RPLP0: variants seen among roughly 807,000 people sequenced by gnomAD.
RPLP0 encodes the protein ribosomal protein lateral stalk subunit P0, also known as large ribosomal subunit protein uL10.
For synonymous variants in RPLP0, 137 were observed against 153.4 expected (o/e 0.89, Z 0.79); for missense variants, 276 against 402.9 (o/e 0.69, Z 2.70).
rs569335932 is a variant in RPLP0 at position 120,200,204 on chromosome 12, C to T, written c.54+526G>A. 6.9e-6 allele frequency: 3 copies of T among 433,230 alleles called. No homozygotes were observed. The East Asian group carries it at 2.1e-4, about 31-fold the overall frequency. The allele number at this position is 433,230 out of a possible 1,614,324, so 26.8% of individuals were successfully genotyped here. On this transcript the variant is annotated intron_variant, in intron 2 of 7. Transcript: ENST00000392514. ...GTGCGGCCGGGCGCGGTGGCTCACA[C>T]CTGTAATCCTAGCACTTAGGGAGGC...
chr12:120,199,731 A>G (rs61945825), intron 2 of RPLP0: 4,689 of 462,926 alleles, frequency 0.01, 43 homozygotes, highest in Admixed American at 0.02. Flanking sequence ...CTTAGTTTTT[A>G]ATTTTTCCCA....
Position 120,198,864 on chromosome 12 carries a change from A to G in RPLP0, c.455T>C (p.Ile152Thr). The change falls in exon 5 of 8, where the codon ATT becomes ACT. Residue 152 changes from isoleucine (I) to threonine (T), a missense_variant. Ile to Thr is a moderately conservative substitution (Grantham distance 89, BLOSUM62 -1). Transcript: ENST00000392514. The surrounding 1 kb of genome is among the most constrained non-coding windows in gnomAD (Gnocchi z 4.1). ...ACCAGGTCCACTCACCAGGATTTCA[A>G]TGGTGCCCCTGGAGATTTTAGTGGT... ...GITTKISRGT[I>T]EILSDVQLIK... 6.2e-7 allele frequency: 1 copy of G among 1,614,122 alleles called. No homozygotes were observed. The highest frequency in any genetic ancestry group is 8.5e-7 in the Non-Finnish European group (1 of 1,179,976).
At chr12:120,199,601 G>C (rs936456742) in intron 2 of RPLP0, 116 bp from the exon 3 acceptor site, 1 of 1,087,264 alleles carries the variant, frequency 9.2e-7, no homozygotes, top group South Asian at 1.6e-5. Context: ...CTAAGCTTTT[G>C]AAGTCAGAGG....
rs547167712 is a variant in RPLP0, at chr12:120,201,086, C to T, written c.-52G>A. 1.9e-5 allele frequency: 7 copies of T among 369,194 alleles called. No homozygotes were observed. The highest frequency in any genetic ancestry group is 1.8e-4 in the Admixed American group (4 of 21,730). 22.9% of individuals were successfully genotyped at this position (369,194 alleles called of 1,614,324 possible). ...CCCATCTAACTAGCACACGAACCTT[C>T]CACGAGGACGCCTGGCGAGAGAAGG... On this transcript the variant is annotated 5_prime_UTR_variant, in exon 1 of 8. Coordinates refer to ENST00000392514, the MANE Select transcript of RPLP0 (RefSeq NM_001002.4).
At position 120,200,736 on chromosome 12, in the gene RPLP0, C is replaced by G. The variant is rs1344287825; in HGVS notation, c.48G>C (p.Lys16Asn). 1 of 1,611,390 alleles carries G rather than the reference C, an allele frequency of 6.2e-7. No individual in the cohort carries two copies. Among genetic ancestry groups the G allele is most frequent in the South Asian group, 1.1e-5 (1 of 90,462 alleles). The change falls in exon 2 of 8, where the codon AAG becomes AAC. Residue 16 changes from lysine (K) to asparagine (N), a missense_variant. By Grantham distance (94) the Lys-to-Asn change is moderately conservative. Transcript: ENST00000392514. ...CGACCCACCCTGCACTTACGATGATCTTAAGGAAGTAGTTGGACTTCCAGG... is the reference window on the plus strand; with the variant it reads ...CGACCCACCCTGCACTTACGATGATGTTAAGGAAGTAGTTGGACTTCCAGG... Reference protein sequence around the residue: ...RATWKSNYFLKIIQLLDDYPK... With the variant: ...RATWKSNYFLNIIQLLDDYPK...
rs138109550 is a variant in RPLP0 at position 120,200,444 on chromosome 12, C to T, written c.54+286G>A. On this transcript the variant is annotated intron_variant, in intron 2 of 7. Transcript: ENST00000392514. ...AGCCACTGCACTCCAGCCTGGACAA[C>T]AGAGCGAGACTCCGTTTAAAAAAAA... The T allele has an allele frequency of 2.5e-3, 927 of 375,380 alleles. 9 individuals carry two copies. Among genetic ancestry groups the T allele is most frequent in the African/African-American group, 0.019 (884 of 47,464 alleles). The allele number at this position is 375,380 out of a possible 1,614,324, so 23.3% of individuals were successfully genotyped here.
At chr12:120,197,023 C>T (rs1196355815) in intron 7 of RPLP0, 89 bp from the exon 8 acceptor site, 11 of 1,583,620 alleles carry the variant, frequency 6.9e-6, no homozygotes, top group Non-Finnish European at 8.6e-6. Context: ...TAAGGACCAA[C>T]AATATCAAAG....
At chr12:120,200,864 C>T in intron 1 of RPLP0, 33 bp from the exon 2 acceptor site, 1 of 1,547,670 alleles carries the variant, frequency 6.5e-7, no homozygotes, top group Non-Finnish European at 8.7e-7. Context: ...GGCCTGGTCA[C>T]GCCGACACCC....
At position 120,198,887 on chromosome 12, in the gene RPLP0, G is replaced by A. The variant is rs1879289950; in HGVS notation, c.432C>T (p.Thr144=). The change falls in exon 5 of 8, where the codon ACC becomes ACT. Residue 144 remains threonine, a synonymous_variant. Transcript: ENST00000392514. This position sits in a 1 kb window ranked among gnomAD's most constrained non-coding sequence, Gnocchi z 4.1. The part of the protein sequence containing the change: ...KTSFFQALGI[T]TKISRGTIEI... ...CAATGGTGCCCCTGGAGATTTTAGT[G>A]GTGATACCTAAAGCCTGGAAAAAGG... is the stretch of plus-strand genomic sequence containing the variant. 5 of 1,613,960 alleles carry A rather than the reference G, an allele frequency of 3.1e-6. No homozygotes were observed. The highest frequency in any genetic ancestry group is 3.4e-6 in the Non-Finnish European group (4 of 1,179,956).
intron 7 of RPLP0, 173 bp from the exon 8 acceptor site, chr12:120,197,107 C>G: frequency 8.4e-7 from 1 of 1,189,098 alleles, no homozygotes; most frequent in South Asian, 1.5e-5. Context: ...GGCAGGGTTC[C>G]TAAGGCCCAG....
At position 120,198,386 on chromosome 12, in the gene RPLP0, CAA is replaced by C. The variant is rs1227730541; in HGVS notation, c.651+166_651+167del. 0.056 allele frequency: 27,521 copies of C among 493,086 alleles called. No individual in the cohort carries two copies. The highest frequency in any genetic ancestry group is 0.062 in the South Asian group (2,500 of 40,116). The allele number at this position is 493,086 out of a possible 1,614,324, so 30.5% of individuals were successfully genotyped here. On this transcript the variant is annotated intron_variant, in intron 6 of 7. Transcript: ENST00000392514. The surrounding 1 kb of genome is among the most constrained non-coding windows in gnomAD (Gnocchi z 4.1). Reference sequence around the variant, plus strand: ...GGGCGACACAGCAAGACTCTGTCTCCAAAAAAAAAAAAAAAAAATCCTTCAAC... The same window carrying C: ...GGGCGACACAGCAAGACTCTGTCTCCAAAAAAAAAAAAAAAATCCTTCAAC...
rs1210199630 is a variant in RPLP0, at chr12:120,197,410, G to C, written c.704C>G (p.Ala235Gly). 3 of 1,613,922 alleles carry C rather than the reference G, an allele frequency of 1.9e-6. No homozygotes were observed. Among genetic ancestry groups the C allele is most frequent in the South Asian group, 1.1e-5 (1 of 91,078 alleles). Residue 235 changes from alanine to glycine, a missense_variant, in exon 7 of 8, where the codon GCA becomes GGA. Ala to Gly is a moderately conservative substitution (Grantham distance 60). Transcript: ENST00000392514. ...GTTGATGATAGAATGGGGTACTGAT[G>C]CAACAGTTGGGTAGCCAATCTGCAG... ...VCLQIGYPTVASVPHSIINGY... is the reference protein window; with the variant it reads ...VCLQIGYPTVGSVPHSIINGY...
rs748865879 is a variant in RPLP0 at position 120,198,928 on chromosome 12, C to T, written c.391G>A (p.Gly131Arg). Residue 131 changes from glycine to arginine, a missense_variant, in exon 5 of 8, where the codon GGG becomes AGG. Coordinates refer to ENST00000392514, the MANE Select transcript of RPLP0 (RefSeq NM_001002.4). This position sits in a 1 kb window ranked among gnomAD's most constrained non-coding sequence, Gnocchi z 4.1. ...VTVPAQNTGL[G>R]PEKTSFFQAL... ...TGGAAAAAGGAGGTCTTCTCGGGCC[C>T]GAGACCAGTGTTCTGGGCTGGCACA... The T allele has an allele frequency of 6.2e-7, 1 of 1,613,742 alleles. No individual in the cohort carries two copies. Among genetic ancestry groups the T allele is most frequent in the Admixed American group, 1.7e-5 (1 of 59,988 alleles).
chr12:120,197,758 A>G (rs936699675), intron 6 of RPLP0: 1 of 326,430 alleles, frequency 3.1e-6, no homozygotes, highest in African/African-American at 2.1e-5. Flanking sequence ...ATTGAGTTCC[A>G]TGAACGAAAA....
chr12:120,196,843 G>A lies in RPLP0; in HGVS notation c.884C>T (p.Pro295Leu). ...CTCTTCCTTGGCTTCAACCTTAGCTGGGGCTGCAGCAGCAGCAGGAGCAGC... is the reference window on the plus strand; with the variant it reads ...CTCTTCCTTGGCTTCAACCTTAGCTAGGGCTGCAGCAGCAGCAGGAGCAGC... Reference protein sequence around the residue: ...TTAAPAAAAAPAKVEAKEESE... With the variant: ...TTAAPAAAAALAKVEAKEESE... Residue 295 changes from proline (P) to leucine (L), a missense_variant, in exon 8 of 8, where the codon CCA (proline) becomes CTA (leucine). By Grantham distance (98) the Pro-to-Leu change is moderately conservative. Coordinates refer to ENST00000392514, the MANE Select transcript of RPLP0 (RefSeq NM_001002.4). The A allele has an allele frequency of 6.2e-7, 1 of 1,610,204 alleles. No homozygotes were observed. Among genetic ancestry groups the A allele is most frequent in the Non-Finnish European group, 8.5e-7 (1 of 1,178,122 alleles).
chr12:120,199,539 A>G, intron 2 of RPLP0, 54 bp from the exon 3 acceptor site: 1 of 1,554,966 alleles, frequency 6.4e-7, no homozygotes, highest in Non-Finnish European at 8.7e-7. Context: ...GAGGGAAAAA[A>G]TGCCAGAAGA....
At position 120,199,322 on chromosome 12, in the gene RPLP0, G is replaced by T. The variant is rs11548381; in HGVS notation, c.218C>A (p.Pro73Gln). The change falls in exon 3 of 8, where the codon CCA (proline) becomes CAA (glutamine). Residue 73 changes from proline to glutamine, a missense_variant. Coordinates refer to ENST00000392514, the MANE Select transcript of RPLP0 (RefSeq NM_001002.4). The stretch of plus-strand genomic sequence containing the variant: ...CAGGGGAACTGACTTCTCCAGAGCT[G>T]GGTTGTTTTCCAGGTGCCCTCGGAT... Reference protein sequence around the residue: ...KAIRGHLENNPALEKLLPHIR... With the variant: ...KAIRGHLENNQALEKLLPHIR... The T allele has an allele frequency of 6.2e-7, 1 of 1,614,188 alleles. No homozygotes were observed. The highest frequency in any genetic ancestry group is 1.3e-5 in the African/African-American group (1 of 75,040).
At chr12:120,197,261 C>G in intron 7 of RPLP0, 61 bp downstream of exon 7, 2 of 1,461,332 alleles carry the variant, frequency 1.4e-6, no homozygotes, top group Non-Finnish European at 1.9e-6. Context: ...GGTAGAAGGC[C>G]ACATCACCCT....
intron 6 of RPLP0, 75 bp from the exon 7 acceptor site, chr12:120,197,537 A>T: frequency 6.6e-7 from 1 of 1,525,084 alleles, no homozygotes. Flanking sequence ...GAATAAAGAG[A>T]ACCCTTAGCA....
Sources: allele counts gnomAD v4.1 joint callset, GRCh38; gene constraint gnomAD v4.1.1; non-coding constraint Gnocchi (gnomAD v3.1); transcripts MANE v1.5; gene names NCBI Gene and HGNC (gene_info 2026-07-23, HGNC 2026-07-21).